The following ATP6V1D variants were observed in gnomAD, a reference collection of about 807,000 sequenced individuals.
The protein encoded by ATP6V1D is ATPase H+ transporting V1 subunit D.
Under a neutral mutation model 39.4 loss-of-function variants are expected in ATP6V1D, and 20 were observed. That is an observed-to-expected ratio of 0.51 (90% confidence interval 0.36 to 0.74). The LOEUF is 0.74. ATP6V1D is among the 30% of genes least tolerant of loss of function. ATP6V1D has a pLI of 0.00. For synonymous variants in ATP6V1D, 100 were observed against 100.5 expected, an observed-to-expected ratio of 0.99 and a Z score of 0.03; for missense variants, 228 against 291.6, an observed-to-expected ratio of 0.78 and a Z score of 1.59.
chr14:67,351,323 G>C (rs1322945906), intron 2 of ATP6V1D, among the ~76,000 whole-genome samples: 2 of 151,834 alleles, frequency 1.3e-5, no homozygotes, highest in African/African-American at 4.8e-5. Flanking sequence ...ACATCATACT[G>C]CCCCCAAAAT....
Position 67,347,468 on chromosome 14 carries a change from A to C in ATP6V1D, c.308-15T>G, listed in dbSNP as rs200055846. 26 of 1,593,848 alleles carry C rather than the reference A, an allele frequency of 1.6e-5. No homozygotes were observed. The highest frequency in any genetic ancestry group is 2.1e-5 in the Non-Finnish European group (24 of 1,165,956). On this transcript the variant is annotated splice_polypyrimidine_tract_variant and intron_variant, in intron 4 of 8. Transcript: ENST00000216442. ...CAAAGTAACACCTGTTAAACACAGA[A>C]GCATACATGGATTCATAAACCTTTA...
chr14:67,341,492 G>A (rs1366694566), intron 7 of ATP6V1D, among the ~76,000 whole-genome samples: 22 of 150,494 alleles, frequency 1.5e-4, no homozygotes, highest in Admixed American at 5.3e-4. Flanking sequence ...CCGGCCAGCC[G>A]CCCCGTCCGG....
intron 4 of ATP6V1D, 41 bp from the exon 5 acceptor site, chr14:67,347,494 A>C (rs761793509): frequency 1.1e-5 from 16 of 1,464,664 alleles, no homozygotes; most frequent in Non-Finnish European, 1.5e-5. Flanking sequence ...TAAACCTTTA[A>C]GTTCTCTCTT....
intron 5 of ATP6V1D, among the ~76,000 whole-genome samples, chr14:67,346,424 A>C (rs944170594): frequency 1.3e-5 from 2 of 152,060 alleles, no homozygotes; most frequent in Middle Eastern, 3.4e-3. Flanking sequence ...CAATCCTCCC[A>C]CCTCGGCCTC....
intron 6 of ATP6V1D, among the ~76,000 whole-genome samples, chr14:67,345,516 T>C (rs1008674747): frequency 2.0e-5 from 3 of 148,386 alleles, no homozygotes; most frequent in South Asian, 2.2e-4. Flanking sequence ...GGTCGCGCCA[T>C]TGCACTCCAG....
chr14:67,349,601 G>T (rs983894998), intron 3 of ATP6V1D, among the ~76,000 whole-genome samples: 9 of 152,200 alleles, frequency 5.9e-5, no homozygotes, highest in Non-Finnish European at 1.3e-4. Flanking sequence ...TTGGGAGGCC[G>T]AGGCAGGAGG....
Position 67,352,812 on chromosome 14 carries a change from T to C in ATP6V1D, c.159+111A>G, listed in dbSNP as rs2085664299. The C allele has an allele frequency of 4.2e-6, 3 of 714,796 alleles. No homozygotes were observed. In the South Asian group the frequency reaches 6.0e-5, roughly 14 times the overall value. 44.3% of individuals were successfully genotyped at this position (714,796 alleles called of 1,614,324 possible). A position where few individuals can be genotyped will look rare whatever the true frequency, so the allele number is the denominator to read the frequency against. On this transcript the variant is annotated intron_variant, in intron 2 of 8. Coordinates refer to ENST00000216442, the MANE Select transcript of ATP6V1D (RefSeq NM_015994.4). Reference sequence around the variant, plus strand: ...CTTGTTAAACTTATAATGGTATTTTTACTTTTGAAAGAAAAAAATTAATTA... The same window carrying C: ...CTTGTTAAACTTATAATGGTATTTTCACTTTTGAAAGAAAAAAATTAATTA...
intron 4 of ATP6V1D, 117 bp from the exon 5 acceptor site, chr14:67,347,570 C>T (rs1421157833): frequency 5.0e-6 from 4 of 806,580 alleles, no homozygotes; most frequent in Admixed American, 2.6e-5. Flanking sequence ...GGCGTGATCT[C>T]GCCTCACCGC....
chr14:67,341,591 C>A (rs1372183187), intron 7 of ATP6V1D, among the ~76,000 whole-genome samples: 1 of 151,530 alleles, frequency 6.6e-6, no homozygotes, highest in Non-Finnish European at 1.5e-5. Context: ...AGGCCAGCCA[C>A]CCTGTCCGGG....
At chr14:67,347,972 T>A (rs997990724) in intron 4 of ATP6V1D, among the ~76,000 whole-genome samples, 1 of 151,726 alleles carries the variant, frequency 6.6e-6, no homozygotes, top group African/African-American at 2.4e-5. Flanking sequence ...AGTGCAGTGG[T>A]GTGGTCTTCA....
chr14:67,352,121 CAAAAAAT>C (rs1483411208), intron 2 of ATP6V1D, among the ~76,000 whole-genome samples: 4 of 151,454 alleles, frequency 2.6e-5, no homozygotes, highest in African/African-American at 9.7e-5. Context: ...CCCATCTCCA[CAAAAAAT>C]AAAAAAATAA....
intron 1 of ATP6V1D, 57 bp downstream of exon 1, chr14:67,359,601 G>C: frequency 6.3e-7 from 1 of 1,599,132 alleles, no homozygotes; most frequent in Non-Finnish European, 8.6e-7. Flanking sequence ...GGTCTGAAGG[G>C]ACCGCGCTCC....
chr14:67,351,806 TCACCA>T (rs1183740707), intron 2 of ATP6V1D, among the ~76,000 whole-genome samples: 2 of 151,154 alleles, frequency 1.3e-5, no homozygotes, highest in Non-Finnish European at 2.9e-5. Flanking sequence ...CAGGCATGAG[TCACCA>T]CACCTAGTAT....
intron 7 of ATP6V1D, 96 bp from the exon 8 acceptor site, chr14:67,340,614 G>A (rs2085573383): frequency 9.4e-7 from 1 of 1,059,994 alleles, no homozygotes. Flanking sequence ...TTTCCTAATT[G>A]TAAAATTAAT....
intron 1 of ATP6V1D, among the ~76,000 whole-genome samples, chr14:67,359,246 G>C (rs1032127802): frequency 6.6e-6 from 1 of 152,190 alleles, no homozygotes; most frequent in Non-Finnish European, 1.5e-5. Flanking sequence ...CCTTCTCAGA[G>C]CATTTATTAA....
At chr14:67,357,270 G>A (rs1293030104) in intron 1 of ATP6V1D, among the ~76,000 whole-genome samples, 1 of 152,204 alleles carries the variant, frequency 6.6e-6, no homozygotes, top group Non-Finnish European at 1.5e-5. Context: ...TCTAGCCTAT[G>A]GCTTTTAAAA....
chr14:67,359,628 G>A, intron 1 of ATP6V1D, 30 bp downstream of exon 1: 1 of 1,613,618 alleles, frequency 6.2e-7, no homozygotes, highest in Non-Finnish European at 8.5e-7. Flanking sequence ...CTAAACCTGT[G>A]AAAGCGGCTT....
At chr14:67,346,869 A>T (rs1357891281) in intron 5 of ATP6V1D, among the ~76,000 whole-genome samples, 1 of 152,218 alleles carries the variant, frequency 6.6e-6, no homozygotes, top group Admixed American at 6.5e-5. Context: ...CTAATCAGTG[A>T]ATTCATATTC....
chr14:67,343,931 A>G (rs1484750025), intron 6 of ATP6V1D, among the ~76,000 whole-genome samples: 3 of 152,222 alleles, frequency 2.0e-5, no homozygotes, highest in African/African-American at 7.2e-5. Flanking sequence ...TTGATAACCT[A>G]CATGTCACAT....
Sources: gnomAD v4.1 joint callset for allele counts (sites outside exome capture counted in the v4.1 genomes callset) on GRCh38, gnomAD v4.1.1 for gene constraint, MANE v1.5 for transcripts, NCBI Gene and HGNC (gene_info 2026-07-23, HGNC 2026-07-21) for gene names.